The following HSD17B3 variants were observed in gnomAD, a reference collection of about 807,000 sequenced individuals.
The protein encoded by HSD17B3 is hydroxysteroid 17-beta dehydrogenase 3, also known as 17-beta-hydroxysteroid dehydrogenase type 3.
In HSD17B3, 29 loss-of-function variants were observed where a neutral mutation model predicts 41.1. The observed-to-expected ratio is 0.71, with a 90% CI of 0.53 to 0.96. HSD17B3 has a LOEUF of 0.96. Ranked by LOEUF, HSD17B3 falls within the 40% of genes least tolerant of loss-of-function variation. The pLI is 0.00. For missense variants in HSD17B3, 323 were observed against 374.6 expected (o/e 0.86, Z 1.14); for synonymous variants, 126 against 145.6 (o/e 0.87, Z 0.97).
intron 2 of HSD17B3, among the ~76,000 whole-genome samples, chr9:96,277,955 A>T (rs1426636990): frequency 6.6e-6 from 1 of 152,164 alleles, no homozygotes; most frequent in Non-Finnish European, 1.5e-5. Flanking sequence ...TGGATAAATG[A>T]GGAGATTATG....
intron 2 of HSD17B3, among the ~76,000 whole-genome samples, chr9:96,268,684 C>A (rs1826128113): frequency 1.3e-5 from 2 of 152,182 alleles, no homozygotes; most frequent in South Asian, 4.1e-4. Context: ...CATGGTGGCT[C>A]ACGCCTGTAA....
At chr9:96,250,128 G>T (rs1328963191) in intron 5 of HSD17B3, 1 of 1,280,658 alleles carries the variant, frequency 7.8e-7, no homozygotes, top group East Asian at 3.2e-5. Context: ...TAGCCTATGT[G>T]AGTCCAGGAG....
rs184311814 is a variant in HSD17B3, at chr9:96,265,258, C to G, written c.202-10315G>C. ...AAGTCAGCCCACTGGGTACCTAACT[C>G]AGCAATATTATTTTGCATTTCTTTT... On this transcript the variant is annotated intron_variant, in intron 2 of 10. Transcript: ENST00000375263. 2.6e-5 allele frequency among the ~76,000 whole-genome samples: 4 copies of G among 152,334 alleles called. No homozygotes were observed. In the East Asian group the frequency reaches 7.7e-4, roughly 29 times the overall value.
At chr9:96,246,958 C>T (rs1028264874) in intron 6 of HSD17B3, among the ~76,000 whole-genome samples, 4 of 152,140 alleles carry the variant, frequency 2.6e-5, no homozygotes, top group Admixed American at 6.5e-5. Context: ...AGTGGACTGG[C>T]CATGAGTTGG....
chr9:96,261,377 G>A (rs1173274078), intron 2 of HSD17B3, among the ~76,000 whole-genome samples: 2 of 152,208 alleles, frequency 1.3e-5, no homozygotes, highest in Admixed American at 6.5e-5. Context: ...TGTATTTTTA[G>A]TGGAGACGGG....
intron 2 of HSD17B3, among the ~76,000 whole-genome samples, chr9:96,290,785 G>C (rs1174226632): frequency 6.6e-6 from 1 of 151,804 alleles, no homozygotes; most frequent in Non-Finnish European, 1.5e-5. Flanking sequence ...AGTAAGCCGA[G>C]ATCGCGCCAC....
intron 2 of HSD17B3, among the ~76,000 whole-genome samples, chr9:96,274,901 A>G (rs1826389685): frequency 6.6e-6 from 1 of 152,170 alleles, no homozygotes; most frequent in African/African-American, 2.4e-5. Flanking sequence ...ATGACTCCCA[A>G]ATCACCTCAA....
At chr9:96,271,048 T>A (rs930100405) in intron 2 of HSD17B3, among the ~76,000 whole-genome samples, 1 of 152,010 alleles carries the variant, frequency 6.6e-6, no homozygotes, top group African/African-American at 2.4e-5. Flanking sequence ...CCAGCAGTCT[T>A]ACCGATAAGG....
intron 2 of HSD17B3, among the ~76,000 whole-genome samples, chr9:96,261,501 T>A (rs369878369): frequency 3.3e-5 from 5 of 152,292 alleles, no homozygotes; most frequent in African/African-American, 1.2e-4. Flanking sequence ...GGCCCAAAAC[T>A]TCTATCTCAA....
intron 6 of HSD17B3, 31 bp downstream of exon 6, chr9:96,249,720 A>G (rs1316741114): frequency 1.9e-6 from 3 of 1,605,606 alleles, no homozygotes; most frequent in Non-Finnish European, 2.6e-6. Context: ...ACTACATGTT[A>G]ATGCATTTCG....
At chr9:96,294,270 A>C (rs1324824185) in intron 2 of HSD17B3, among the ~76,000 whole-genome samples, 4 of 152,186 alleles carry the variant, frequency 2.6e-5, no homozygotes, top group African/African-American at 9.6e-5. Context: ...AAATTAAATA[A>C]AAAGGCAAAG....
chr9:96,269,909 G>GAAAAAAAAAAAAAAAAA lies in HSD17B3; in HGVS notation c.202-14983_202-14967dup, dbSNP rs59947729. Among the ~76,000 whole-genome samples, 2 of 103,880 alleles carry GAAAAAAAAAAAAAAAAA rather than the reference G, an allele frequency of 1.9e-5. 1 individual carries two copies. Among genetic ancestry groups the GAAAAAAAAAAAAAAAAA allele is most frequent in the African/African-American group, 7.4e-5 (2 of 27,144 alleles). 68.1% of individuals were successfully genotyped at this position (103,880 alleles called of 152,430 possible). On this transcript the variant is annotated intron_variant, in intron 2 of 10. Coordinates refer to ENST00000375263, the MANE Select transcript of HSD17B3 (RefSeq NM_000197.2). Reference sequence around the variant, plus strand: ...ACAGAGTGAGAATCCATCTTAAAAAGAAAAAAAAAAAAAAAAAAAAGCAGA... The same window carrying GAAAAAAAAAAAAAAAAA: ...ACAGAGTGAGAATCCATCTTAAAAAGAAAAAAAAAAAAAAAAAAAAAAAAAAAAAAAAAAAAAGCAGA...
At chr9:96,300,128 G>A (rs1002117183) in intron 1 of HSD17B3, among the ~76,000 whole-genome samples, 16 of 150,544 alleles carry the variant, frequency 1.1e-4, no homozygotes, top group African/African-American at 3.9e-4. Flanking sequence ...GTGGAGTGGG[G>A]TATTTAAATC....
chr9:96,240,877 T>C lies in HSD17B3; in HGVS notation c.703A>G (p.Met235Val), dbSNP rs119481074. ...VLTPYAVSTA[M>V]TKYLNTNVIT... The stretch of plus-strand genomic sequence containing the variant: ...ACATTTGTATTTAGATACTTTGTCA[T>C]TGCAGTCGAGACAGCATATGGGGTC... The change falls in exon 10 of 11, where the codon ATG (methionine) becomes GTG (valine). Residue 235 changes from methionine to valine, a missense_variant. Coordinates refer to ENST00000375263, the MANE Select transcript of HSD17B3 (RefSeq NM_000197.2). The C allele has an allele frequency of 1.9e-6, 3 of 1,614,078 alleles. No homozygotes were observed. The highest frequency in any genetic ancestry group is 2.7e-5 in the African/African-American group (2 of 74,916).
At chr9:96,287,810 A>G (rs1242717278) in intron 2 of HSD17B3, among the ~76,000 whole-genome samples, 2 of 152,000 alleles carry the variant, frequency 1.3e-5, no homozygotes, top group Non-Finnish European at 2.9e-5. Context: ...AAGGAAAGAG[A>G]AAAGTGTCCA....
chr9:96,267,089 TGAA>T (rs1460860502), intron 2 of HSD17B3, among the ~76,000 whole-genome samples: 6 of 151,860 alleles, frequency 4.0e-5, no homozygotes, highest in African/African-American at 1.5e-4. Flanking sequence ...GTGGCTAACT[TGAA>T]GACAGACTGC....
chr9:96,244,663 CA>C lies in HSD17B3; in HGVS notation c.607-270del, dbSNP rs371844531. Among the ~76,000 whole-genome samples, 1,157 of 145,568 alleles carry C rather than the reference CA, an allele frequency of 7.9e-3. 15 individuals are homozygous for C. The highest frequency in any genetic ancestry group is 0.023 in the African/African-American group (931 of 39,762). On this transcript the variant is annotated intron_variant, in intron 8 of 10. Transcript: ENST00000375263. The stretch of plus-strand genomic sequence containing the variant: ...AAGTAGATCTCAGGGGTCCTCACCA[CA>C]AAAAAAAAACCGGTAAGTATGTGAG...
At chr9:96,253,284 C>A (rs1825501724) in intron 3 of HSD17B3, among the ~76,000 whole-genome samples, 1 of 152,164 alleles carries the variant, frequency 6.6e-6, no homozygotes, top group African/African-American at 2.4e-5. Flanking sequence ...GCCCAGCCAG[C>A]CACCTGCTTA....
intron 2 of HSD17B3, among the ~76,000 whole-genome samples, chr9:96,295,380 G>C (rs1200797562): frequency 6.6e-6 from 1 of 151,132 alleles, no homozygotes; most frequent in African/African-American, 2.4e-5. Flanking sequence ...TGTCCCCCAG[G>C]CTGGAGTGCA....
Sources: gnomAD v4.1 joint callset for allele counts (sites outside exome capture counted in the v4.1 genomes callset) on GRCh38, gnomAD v4.1.1 for gene constraint, MANE v1.5 for transcripts, NCBI Gene and HGNC (gene_info 2026-07-23, HGNC 2026-07-21) for gene names.